The following FRMPD4 variants were observed in gnomAD, a reference collection of about 807,000 sequenced individuals.
FRMPD4 encodes FERM and PDZ domain-containing protein 4.
A neutral mutation model predicts 94.1 loss-of-function variants in FRMPD4; 22 were observed. That is an observed-to-expected ratio of 0.23 (90% CI 0.17 to 0.33). FRMPD4 has a LOEUF of 0.33. Ranked by LOEUF, FRMPD4 falls within the 10% of genes least tolerant of loss-of-function variation. The pLI is 1.00. For synonymous variants in FRMPD4, 631 were observed against 548.6 expected (o/e 1.15, Z -2.10); for missense variants, 1,111 against 1,339.9 (o/e 0.83, Z 2.67).
intron 3 of FRMPD4, among the ~76,000 whole-genome samples, chrX:12,613,715 C>T (rs992433258): frequency 8.9e-5 from 10 of 111,768 alleles, no homozygotes; most frequent in Non-Finnish European, 7.5e-5. Flanking sequence ...TAGGGGCTCA[C>T]GCCTGTAATC....
At chrX:12,277,120 CAAAA>C (rs765802561) in intron 1 of FRMPD4, among the ~76,000 whole-genome samples, 1 of 46,804 alleles carries the variant, frequency 2.1e-5, no homozygotes, top group Non-Finnish European at 4.2e-5. Flanking sequence ...GACTCCGTCT[CAAAA>C]AAAAAAAAAA....
intron 1 of FRMPD4, among the ~76,000 whole-genome samples, chrX:12,467,022 G>A (rs2057456576): frequency 1.8e-5 from 2 of 111,720 alleles, no homozygotes; most frequent in South Asian, 3.8e-4. Flanking sequence ...GTGTATGTGT[G>A]TTGCTACAGA....
At chrX:12,049,784 G>T (rs758642616) in intron 3 of FRMPD4, among the ~76,000 whole-genome samples, 5 of 111,600 alleles carry the variant, frequency 4.5e-5, no homozygotes, top group Admixed American at 9.6e-5. Context: ...AGTGGGACAA[G>T]TTGGGAAGGT....
At chrX:11,924,093 T>C (rs1414523615) in intron 3 of FRMPD4, among the ~76,000 whole-genome samples, 1 of 111,982 alleles carries the variant, frequency 8.9e-6, no homozygotes, top group African/African-American at 3.3e-5. Context: ...ATGTAACCAA[T>C]CTGAGAGAGC....
intron 1 of FRMPD4, among the ~76,000 whole-genome samples, chrX:12,257,586 T>G (rs1373213545): frequency 2.7e-5 from 3 of 111,378 alleles, no homozygotes; most frequent in African/African-American, 9.8e-5. Context: ...GGCAAGAAAC[T>G]CCTGTAATCT....
chrX:11,967,543 G>C (rs1366368176), intron 3 of FRMPD4, among the ~76,000 whole-genome samples: 1 of 111,490 alleles, frequency 9.0e-6, no homozygotes, highest in Non-Finnish European at 1.9e-5. Flanking sequence ...TAAATTTCTG[G>C]TGCCTTGAAC....
At chrX:12,135,858 A>G (rs759426628), upstream of FRMPD4, among the ~76,000 whole-genome samples, 7 of 112,174 alleles carry the variant, frequency 6.2e-5, no homozygotes, top group East Asian at 1.9e-3. Context: ...TTTTCAAAAC[A>G]CATTCTCCAA....
intron 1 of FRMPD4, among the ~76,000 whole-genome samples, chrX:12,367,944 T>TA (rs1490781812): frequency 8.9e-6 from 1 of 112,421 alleles, no homozygotes; most frequent in Non-Finnish European, 1.9e-5. Flanking sequence ...TGACACCCAC[T>TA]AATCAGATCT....
chrX:12,207,259 T>A (rs1464525522), intron 1 of FRMPD4, among the ~76,000 whole-genome samples: 1 of 111,993 alleles, frequency 8.9e-6, no homozygotes, highest in Non-Finnish European at 1.9e-5. Context: ...CAATTTTTTT[T>A]ATGAATATTC....
intron 3 of FRMPD4, among the ~76,000 whole-genome samples, chrX:11,914,291 CTTTTTTT>C (rs57258573): frequency 3.4e-5 from 3 of 89,207 alleles, no homozygotes; most frequent in South Asian, 1.1e-3. Flanking sequence ...ACTTTTTTTT[CTTTTTTT>C]TTTTTTTTTG....
chrX:12,049,771 G>A, intron 3 of FRMPD4, among the ~76,000 whole-genome samples: 1 of 111,583 alleles, frequency 9.0e-6, no homozygotes, highest in South Asian at 3.8e-4. Flanking sequence ...CTGAAAACCT[G>A]CCAGTGGGAC....
intron 1 of FRMPD4, among the ~76,000 whole-genome samples, chrX:12,368,131 G>A (rs936533435): frequency 1.8e-5 from 2 of 112,078 alleles, no homozygotes; most frequent in Non-Finnish European, 3.8e-5. Context: ...AGAGTGTGGT[G>A]GTGAAGAGCT....
At chrX:12,044,059 T>C (rs1406130119) in intron 3 of FRMPD4, among the ~76,000 whole-genome samples, 5 of 112,175 alleles carry the variant, frequency 4.5e-5, no homozygotes, top group African/African-American at 1.6e-4. Flanking sequence ...GTTTTCTGAA[T>C]GATAAAACCT....
At position 12,542,757 on chromosome X, in the gene FRMPD4, C is replaced by T. The variant is rs778836265; in HGVS notation, c.158+43961C>T. Among the ~76,000 whole-genome samples, 349 of 111,598 alleles carry T rather than the reference C, an allele frequency of 3.1e-3. 2 individuals carry two copies. The highest frequency in any genetic ancestry group is 0.011 in the African/African-American group (338 of 30,710). ...AAACTACTTTAAAGTTCATATGGAACCAAAAAAGAGCCCACATTGCCAAGA... is the reference window on the plus strand; with the variant it reads ...AAACTACTTTAAAGTTCATATGGAATCAAAAAAGAGCCCACATTGCCAAGA... On this transcript the variant is annotated intron_variant, in intron 2 of 16. Coordinates refer to ENST00000675598, the MANE Select transcript of FRMPD4 (RefSeq NM_001368397.1).
At chrX:12,579,411 T>C (rs1401981973) in intron 2 of FRMPD4, among the ~76,000 whole-genome samples, 1 of 112,007 alleles carries the variant, frequency 8.9e-6, no homozygotes, top group African/African-American at 3.2e-5. Context: ...AGCCATCTAC[T>C]AAGGAGAGTT....
rs775779792 is a variant in FRMPD4, at chrX:11,933,277, C to T, written c.95+55259C>T. On this transcript the variant is annotated intron_variant, in intron 3 of 18. Coordinates refer to the FRMPD4 transcript ENST00000640291. ...TTTCTTCCTCTTTAAAGATTTCTCA[C>T]CATTGGTATTTATTGTTTCACACTA... is the stretch of plus-strand genomic sequence containing the variant. Among the ~76,000 whole-genome samples, 4 of 112,208 alleles carry T rather than the reference C, an allele frequency of 3.6e-5. No individual in the cohort carries two copies. The East Asian group carries it at 1.1e-3, about 31-fold the overall frequency.
intron 1 of FRMPD4, among the ~76,000 whole-genome samples, chrX:12,478,610 G>A (rs978664702): frequency 1.8e-5 from 2 of 111,338 alleles, no homozygotes; most frequent in Non-Finnish European, 3.8e-5. Flanking sequence ...AGTAAAGTAT[G>A]TATAGTGGGG....
At chrX:12,004,286 T>C (rs1221381462) in intron 3 of FRMPD4, among the ~76,000 whole-genome samples, 1 of 112,346 alleles carries the variant, frequency 8.9e-6, no homozygotes, top group African/African-American at 3.2e-5. Context: ...CATGGAATTC[T>C]GATTCAGCTG....
chrX:12,454,397 C>T (rs1275899542), intron 1 of FRMPD4, among the ~76,000 whole-genome samples: 1 of 111,931 alleles, frequency 8.9e-6, no homozygotes. Flanking sequence ...ATAATCTCTT[C>T]TAAAAGTCAT....
Sources: allele counts gnomAD v4.1 joint callset (sites outside exome capture counted in the v4.1 genomes callset), GRCh38; gene constraint gnomAD v4.1.1; transcripts MANE v1.5; gene names NCBI Gene and HGNC (gene_info 2026-07-23, HGNC 2026-07-21).